Variants in SATB2 observed in about 807,000 individuals in gnomAD.
SATB2 encodes the protein DNA-binding protein SATB2.
SATB2 carries 1 observed loss-of-function variant against 73.4 expected under a neutral mutation model. The observed-to-expected ratio is 0.01, with a 90% CI of 0.00 to 0.06. The LOEUF (loss-of-function observed/expected upper bound fraction) is 0.06. Among genes scored for constraint, SATB2 ranks in the 10% least tolerant of loss-of-function variants. The pLI is 1.00. For missense variants in SATB2, 459 were observed against 945.8 expected (o/e 0.49, Z 6.75); for synonymous variants, 397 against 367.0 (o/e 1.08, Z -0.93).
At chr2:199,334,059 A>C (rs1381385403) in intron 7 of SATB2, among the ~76,000 whole-genome samples, 1 of 152,152 alleles carries the variant, frequency 6.6e-6, no homozygotes, top group Non-Finnish European at 1.5e-5. Context: ...CTTTTGAAGT[A>C]ACTTGATCCA....
intron 3 of SATB2, among the ~76,000 whole-genome samples, chr2:199,422,110 A>G (rs1691189642): frequency 6.6e-6 from 1 of 152,122 alleles, no homozygotes; most frequent in African/African-American, 2.4e-5. Flanking sequence ...TTAATAATAT[A>G]GACTATGGAA....
intron 10 of SATB2, among the ~76,000 whole-genome samples, chr2:199,275,041 C>CAATTTTCCA (rs1692269989): frequency 6.6e-6 from 1 of 152,082 alleles, no homozygotes; most frequent in South Asian, 2.1e-4. Flanking sequence ...GAGTACTCCC[C>CAATTTTCCA]ATTAGAGCAA....
At chr2:199,368,530 T>A in intron 6 of SATB2, 75 bp downstream of exon 6, 1 of 870,498 alleles carries the variant, frequency 1.1e-6, no homozygotes, top group Middle Eastern at 2.3e-4. Flanking sequence ...AAAATGAGCA[T>A]AAATTCCAAA....
At chr2:199,347,915 T>C (rs1310596770) in intron 7 of SATB2, 1 of 152,168 alleles carries the variant, frequency 6.6e-6, no homozygotes, top group Non-Finnish European at 1.5e-5. Flanking sequence ...TTGTTAGAAA[T>C]GTCCATTTCT....
chr2:199,399,528 A>T (rs1322390000), intron 3 of SATB2, among the ~76,000 whole-genome samples: 2 of 152,194 alleles, frequency 1.3e-5, no homozygotes, highest in Non-Finnish European at 2.9e-5. Flanking sequence ...CTGTCCTCAC[A>T]TTGCTACAAA....
chr2:199,410,761 A>G (rs1167434549), intron 3 of SATB2, among the ~76,000 whole-genome samples: 1 of 152,242 alleles, frequency 6.6e-6, no homozygotes. Flanking sequence ...GAATGACATC[A>G]TAAGGGTATC....
chr2:199,462,674 G>A (rs527491916), upstream of SATB2, among the ~76,000 whole-genome samples: 155 of 152,306 alleles, frequency 1.0e-3, 1 homozygote, highest in African/African-American at 3.7e-3. The surrounding 1 kb of genome is among the most constrained non-coding windows in gnomAD (Gnocchi z 5.9). Flanking sequence ...GGGCGGGGGC[G>A]GAGAGGGAAG....
At chr2:199,278,654 G>C (rs768325031) in intron 10 of SATB2, among the ~76,000 whole-genome samples, 2 of 152,152 alleles carry the variant, frequency 1.3e-5, no homozygotes, top group African/African-American at 4.8e-5. Flanking sequence ...ACTATTACCA[G>C]AGAGATGGGA....
rs1207286183 is a variant in SATB2, at chr2:199,311,984, A to AT, written c.1543-3028dup. On this transcript the variant is annotated intron_variant, in intron 9 of 10. Coordinates refer to ENST00000417098, the MANE Select transcript of SATB2 (RefSeq NM_001172509.2). ...AGAGATAAAGGGTCCCCATATTGGG[A>AT]TTTTTTTTCATTTATATAATCTTTG... Among the ~76,000 whole-genome samples the AT allele has an allele frequency of 4.6e-5, 7 of 151,540 alleles. No individual in the cohort carries two copies. In the South Asian group the frequency reaches 6.3e-4, roughly 14 times the overall value.
At chr2:199,377,948 AAG>A (rs1281662314) in intron 5 of SATB2, among the ~76,000 whole-genome samples, 1 of 152,178 alleles carries the variant, frequency 6.6e-6, no homozygotes, top group Non-Finnish European at 1.5e-5. Flanking sequence ...TGGAAGGGGA[AAG>A]AGGTTTTTAT....
Position 199,455,906 on chromosome 2 carries a change from G to A in SATB2, c.132C>T (p.Arg44=). The A allele has an allele frequency of 6.5e-7, 1 of 1,538,360 alleles. No individual in the cohort carries two copies. Residue 44 remains arginine, a synonymous_variant, in exon 2 of 11, where the codon CGC becomes CGT. Coordinates refer to ENST00000417098, the MANE Select transcript of SATB2 (RefSeq NM_001172509.2). The surrounding 1 kb of genome is among the most constrained non-coding windows in gnomAD (Gnocchi z 4.1). ...TGGCCACGGCGCCGTTGGGCCTCCC[G>A]CGGGCTCCCATGGGGCTGCCGTTCT... ...LEQNGSPMGA[R]GRPNGAVAKA...
At chr2:199,316,914 C>T (rs1243273491) in intron 9 of SATB2, among the ~76,000 whole-genome samples, 6 of 152,024 alleles carry the variant, frequency 3.9e-5, no homozygotes. Context: ...CAGCAAAATG[C>T]ACTAGGCTAA....
intron 3 of SATB2, among the ~76,000 whole-genome samples, chr2:199,422,588 T>C (rs1430407174): frequency 1.3e-5 from 2 of 152,194 alleles, no homozygotes; most frequent in Non-Finnish European, 1.5e-5. Context: ...ACTTGGATTC[T>C]AGACTCAATT....
chr2:199,447,222 G>C (rs1023168813), intron 2 of SATB2, among the ~76,000 whole-genome samples: 9 of 152,184 alleles, frequency 5.9e-5, no homozygotes, highest in African/African-American at 1.2e-4. Flanking sequence ...TTCATTCGGA[G>C]TTGCTGAAAG....
chr2:199,460,998 T>TA (rs1457924903), upstream of SATB2, among the ~76,000 whole-genome samples: 1 of 152,354 alleles, frequency 6.6e-6, no homozygotes, highest in Non-Finnish European at 1.5e-5. The surrounding 1 kb of genome is among the most constrained non-coding windows in gnomAD (Gnocchi z 4.0). Flanking sequence ...CCATTTCTGA[T>TA]ACTGAAAAAA....
In SATB2 at chr2:199,331,679, TG is replaced by T. The variant is rs148473783; in HGVS notation, c.1174-2770del. The stretch of plus-strand genomic sequence containing the variant: ...TTTATGTGCTTTTAACTATTTAAAT[TG>T]GGATTTTTTAAAAATGTAGTCCAAA... On this transcript the variant is annotated intron_variant, in intron 7 of 10. Transcript: ENST00000417098. Among the ~76,000 whole-genome samples the T allele has an allele frequency of 1.1e-3, 167 of 152,240 alleles. 1 individual carries two copies. The East Asian group carries it at 0.017, about 16-fold the overall frequency.
At position 199,457,833 on chromosome 2, in the gene SATB2, C is replaced by G. The variant is rs1013939155; in HGVS notation, c.-554G>C. ...CCGGTAACACCAAGAGCCGAGAAGACGCAGGGACCCGGGACCGCGCGCGGG... is the reference window on the plus strand; with the variant it reads ...CCGGTAACACCAAGAGCCGAGAAGAGGCAGGGACCCGGGACCGCGCGCGGG... On this transcript the variant is annotated 5_prime_UTR_variant, in exon 1 of 11. Coordinates refer to ENST00000417098, the MANE Select transcript of SATB2 (RefSeq NM_001172509.2). The surrounding 1 kb of genome is among the most constrained non-coding windows in gnomAD (Gnocchi z 4.8). 4 of 153,584 alleles carry G rather than the reference C, an allele frequency of 2.6e-5. 1 individual carries two copies. The highest frequency in any genetic ancestry group is 4.4e-5 in the Non-Finnish European group (3 of 68,330). The allele number at this position is 153,584 out of a possible 1,614,324, so 9.5% of individuals were successfully genotyped here.
chr2:199,311,097 G>T (rs552616975), intron 9 of SATB2, among the ~76,000 whole-genome samples: 1 of 152,246 alleles, frequency 6.6e-6, no homozygotes, highest in South Asian at 2.1e-4. Flanking sequence ...AGCTATTAGG[G>T]AGCAGATTAG....
intron 7 of SATB2, among the ~76,000 whole-genome samples, chr2:199,339,217 C>T (rs982856407): frequency 1.3e-5 from 2 of 151,992 alleles, no homozygotes; most frequent in African/African-American, 4.8e-5. Flanking sequence ...GAAAAAGGTG[C>T]CAATTAACAA....
Sources: gnomAD v4.1 joint callset for allele counts (sites outside exome capture counted in the v4.1 genomes callset) on GRCh38, gnomAD v4.1.1 for gene constraint, Gnocchi (gnomAD v3.1) non-coding constraint, MANE v1.5 for transcripts, NCBI Gene and HGNC (gene_info 2026-07-23, HGNC 2026-07-21) for gene names.